ARRB1: variants seen among roughly 807,000 people sequenced by gnomAD.
ARRB1 encodes the protein arrestin beta 1, also known as beta-arrestin-1.
ARRB1 carries 21 observed loss-of-function variants against 56.8 expected under a neutral mutation model. The observed-to-expected ratio is 0.37, with a 90% CI of 0.26 to 0.53. The LOEUF (loss-of-function observed/expected upper bound fraction) is 0.53. ARRB1 is among the 20% of genes least tolerant of loss of function. The probability of loss-of-function intolerance (pLI) is 0.88; values close to 1 mark genes in which losing one functional copy is unlikely to be tolerated. For missense variants in ARRB1, 424 were observed against 553.7 expected, an observed-to-expected ratio of 0.77 and a Z score of 2.35; for synonymous variants, 210 against 218.6, an observed-to-expected ratio of 0.96 and a Z score of 0.35.
At chr11:75,290,433 C>T (rs1239555599) in intron 1 of ARRB1, among the ~76,000 whole-genome samples, 5 of 152,190 alleles carry the variant, frequency 3.3e-5, no homozygotes, top group Non-Finnish European at 4.4e-5. Flanking sequence ...CTACCCCCGG[C>T]TGGTCCTCAA....
intron 5 of ARRB1, 40 bp downstream of exon 5, chr11:75,283,247 G>C (rs1326921336): frequency 1.3e-6 from 2 of 1,557,050 alleles, no homozygotes; most frequent in South Asian, 2.4e-5. Context: ...CCTAGAGGTG[G>C]CATTTCTGGA....
rs1448073611 is a variant in ARRB1 at position 75,264,620 on chromosome 11, G to C, written c.*1543C>G. 2.6e-5 allele frequency: 4 copies of C among 152,256 alleles called. No individual in the cohort carries two copies. The East Asian group carries it at 7.7e-4, about 29-fold the overall frequency. The allele number at this position is 152,256 out of a possible 1,614,324, so 9.4% of individuals were successfully genotyped here. Reference sequence around the variant, plus strand: ...CTCCATAGGGCCCTGCCACCTCTGAGGTCCAATAAATCCCCTCTGGAGGCA... The same window carrying C: ...CTCCATAGGGCCCTGCCACCTCTGACGTCCAATAAATCCCCTCTGGAGGCA... On this transcript the variant is annotated 3_prime_UTR_variant, in exon 16 of 16. Coordinates refer to ENST00000420843, the MANE Select transcript of ARRB1 (RefSeq NM_004041.5).
intron 1 of ARRB1, among the ~76,000 whole-genome samples, chr11:75,346,786 C>G (rs1217249786): frequency 6.6e-6 from 1 of 152,210 alleles, no homozygotes; most frequent in South Asian, 2.1e-4. Context: ...TCTCTTCATA[C>G]TCTATACCTC....
intron 2 of ARRB1, among the ~76,000 whole-genome samples, chr11:75,287,965 C>T (rs571067945): frequency 1.3e-5 from 2 of 152,158 alleles, no homozygotes; most frequent in African/African-American, 2.4e-5. Context: ...CAGGTTCAGG[C>T]GATTCTCCTG....
Position 75,281,055 on chromosome 11 carries a change from C to T in ARRB1, c.482+20G>A, listed in dbSNP as rs754444775. The T allele has an allele frequency of 1.3e-6, 2 of 1,594,342 alleles. No individual in the cohort carries two copies. The highest frequency in any genetic ancestry group is 2.2e-5 in the East Asian group (1 of 44,550). On this transcript the variant is annotated intron_variant, in intron 7 of 15. Transcript: ENST00000420843. ...CCTCCCTCACCCAGCAGGCGGCCCACACCCTGGCATCCTACTCACCGCTTG... is the reference window on the plus strand; with the variant it reads ...CCTCCCTCACCCAGCAGGCGGCCCATACCCTGGCATCCTACTCACCGCTTG...
At chr11:75,312,239 G>A in intron 1 of ARRB1, 1 of 999,578 alleles carries the variant, frequency 1.0e-6, no homozygotes, top group South Asian at 1.3e-5. Context: ...GCCAGGAACT[G>A]AGAACAGGCC....
chr11:75,266,324 G>A (rs1945911684), intron 15 of ARRB1, 50 bp from the exon 16 acceptor site: 1 of 1,503,052 alleles, frequency 6.7e-7, no homozygotes, highest in Non-Finnish European at 9.3e-7. Context: ...GGCAGGGAGA[G>A]TAGGCTTATC....
intron 2 of ARRB1, among the ~76,000 whole-genome samples, chr11:75,289,546 T>C (rs1946556543): frequency 6.6e-6 from 1 of 152,168 alleles, no homozygotes; most frequent in African/African-American, 2.4e-5. Context: ...ATGGTGTCAG[T>C]AATGTCTACC....
chr11:75,341,045 C>T (rs1021896950), intron 1 of ARRB1, among the ~76,000 whole-genome samples: 18 of 152,032 alleles, frequency 1.2e-4, no homozygotes, highest in Non-Finnish European at 2.9e-5. Flanking sequence ...TGTACACTAC[C>T]CTGGACCATG....
rs1364988650 is a variant in ARRB1, at chr11:75,272,839, C to T, written c.998+56G>A. 3.8e-6 allele frequency: 6 copies of T among 1,580,252 alleles called. No individual in the cohort carries two copies. In the Admixed American group the frequency reaches 5.0e-5, roughly 13 times the overall value. On this transcript the variant is annotated intron_variant, in intron 12 of 15. Coordinates refer to ENST00000420843, the MANE Select transcript of ARRB1 (RefSeq NM_004041.5). The stretch of plus-strand genomic sequence containing the variant: ...GCAGAATGGGGCAGGGGCCTGTGGG[C>T]ACCTGGGACGCTCCCCTCTGCACTC...
rs143854609 is a variant in ARRB1 at position 75,310,134 on chromosome 11, G to C, written c.21-20095C>G. Among the ~76,000 whole-genome samples, 3 of 152,272 alleles carry C rather than the reference G, an allele frequency of 2.0e-5. No homozygotes were observed. In the South Asian group the frequency reaches 6.2e-4, roughly 32 times the overall value. ...GGGGAGAACTGCGCAAATGGAAATC[G>C]ATGTGGGGAGCAATGGGGAATGGGG... On this transcript the variant is annotated intron_variant, in intron 1 of 15. Transcript: ENST00000420843.
chr11:75,333,607 C>T (rs891094606), intron 1 of ARRB1, among the ~76,000 whole-genome samples: 20 of 152,164 alleles, frequency 1.3e-4, no homozygotes, highest in Non-Finnish European at 2.4e-4. Context: ...TTAAGCCATG[C>T]ATTATCTCAT....
chr11:75,350,889 G>A (rs899367428), intron 1 of ARRB1, among the ~76,000 whole-genome samples: 3 of 152,208 alleles, frequency 2.0e-5, no homozygotes, highest in Non-Finnish European at 4.4e-5. Flanking sequence ...CTAGCAGCTC[G>A]TGCCTGTGGG....
At chr11:75,313,208 G>A (rs532991858) in intron 1 of ARRB1, among the ~76,000 whole-genome samples, 100 of 152,226 alleles carry the variant, frequency 6.6e-4, no homozygotes, top group African/African-American at 2.2e-3. Context: ...CAAAAATTAC[G>A]GGCGTGGTGG....
At chr11:75,266,829 TG>T (rs1290559753) in intron 15 of ARRB1, among the ~76,000 whole-genome samples, 1 of 152,136 alleles carries the variant, frequency 6.6e-6, no homozygotes, top group Non-Finnish European at 1.5e-5. Flanking sequence ...GATTCTACCT[TG>T]GGGGATCCCA....
chr11:75,336,530 C>G (rs927658708), intron 1 of ARRB1, among the ~76,000 whole-genome samples: 1 of 152,114 alleles, frequency 6.6e-6, no homozygotes, highest in Non-Finnish European at 1.5e-5. Context: ...ACCTACTCTA[C>G]GAATCTTTAT....
At chr11:75,283,505 G>C in intron 4 of ARRB1, 22 bp from the exon 5 acceptor site, 1 of 1,583,274 alleles carries the variant, frequency 6.3e-7, no homozygotes, top group Non-Finnish European at 8.6e-7. Context: ...GAGGAGCACT[G>C]AGGAGGGGCC....
intron 1 of ARRB1, chr11:75,303,603 A>G (rs1946954546): frequency 2.2e-6 from 1 of 456,000 alleles, no homozygotes; most frequent in African/African-American, 2.0e-5. Context: ...TTTTACCTGC[A>G]GAAGGTACAG....
Position 75,279,578 on chromosome 11 carries a change from T to G in ARRB1, c.483-834A>C, listed in dbSNP as rs148202800. On this transcript the variant is annotated intron_variant, in intron 7 of 15. Transcript: ENST00000420843. ...TCTCCTCTTACTAACTATGTGGCCC[T>G]GGGTACATTAACCTCTCTCTGCCTC... Among the ~76,000 whole-genome samples, 23 of 152,352 alleles carry G rather than the reference T, an allele frequency of 1.5e-4. 1 individual carries two copies. The highest frequency in any genetic ancestry group is 2.4e-4 in the African/African-American group (10 of 41,570).
Sources: gnomAD v4.1 joint callset for allele counts (sites outside exome capture counted in the v4.1 genomes callset) on GRCh38, gnomAD v4.1.1 for gene constraint, MANE v1.5 for transcripts, NCBI Gene and HGNC (gene_info 2026-07-23, HGNC 2026-07-21) for gene names.